CNTN6: variants seen among roughly 807,000 people sequenced by gnomAD.
The protein encoded by CNTN6 is contactin-6.
In CNTN6, 137 loss-of-function variants were observed where a neutral mutation model predicts 122.8. That is an observed-to-expected ratio of 1.12 (90% confidence interval 0.97 to 1.29). The LOEUF is 1.29. Among genes scored for constraint, CNTN6 ranks in the 50% most tolerant of loss-of-function variants. CNTN6 has a pLI of 0.00. For missense variants in CNTN6, 1,634 were observed against 1,223.4 expected (o/e 1.34, Z -5.01); for synonymous variants, 570 against 426.0 (o/e 1.34, Z -4.16).
At chr3:1,216,869 C>T (rs11918569) in intron 2 of CNTN6, among the ~76,000 whole-genome samples, 25,480 of 151,966 alleles carry the variant, frequency 0.17, 3,279 homozygotes, top group African/African-American at 0.36. Flanking sequence ...ATCAGGAAGC[C>T]AAAGTTTAAT....
Position 1,382,930 on chromosome 3 carries a change from A to C in CNTN6, c.2167-12A>C. The C allele has an allele frequency of 6.3e-7, 1 of 1,596,818 alleles. No individual in the cohort carries two copies. ...TTGCAAATACTCAGTGATTGATCAC[A>C]TTCTGCCCAAGTCAATTCCAGAAGA... On this transcript the variant is annotated splice_polypyrimidine_tract_variant and intron_variant, in intron 17 of 22. Transcript: ENST00000446702.
intron 12 of CNTN6, among the ~76,000 whole-genome samples, chr3:1,359,050 A>G (rs527686758): frequency 6.6e-6 from 1 of 152,180 alleles, no homozygotes; most frequent in East Asian, 1.9e-4. Context: ...ATACAGCAAG[A>G]TCCTGTCCCC....
At position 1,372,943 on chromosome 3, in the gene CNTN6, A is replaced by G; in HGVS notation, c.1774A>G (p.Ile592Val). 1 of 1,573,154 alleles carries G rather than the reference A, an allele frequency of 6.4e-7. No individual in the cohort carries two copies. Among genetic ancestry groups the G allele is most frequent in the Non-Finnish European group, 8.7e-7 (1 of 1,146,950 alleles). The change falls in exon 14 of 23, where the codon ATC becomes GTC. Residue 592 changes from isoleucine (I) to valine (V), a missense_variant. Physicochemically the swap from Ile to Val is conservative, Grantham distance 29 (BLOSUM62 3). Transcript: ENST00000446702. ...AGAAAGTTTATCTGCAGTAGCCGAT[A>G]TCATTGTTAGAGGTAAGCATAAATG... ...TLESLSAVAD[I>V]IVRGPPGPPE...
intron 2 of CNTN6, among the ~76,000 whole-genome samples, chr3:1,154,293 G>A (rs189680362): frequency 1.2e-4 from 18 of 152,198 alleles, no homozygotes; most frequent in African/African-American, 4.1e-4. Context: ...GAGTAATTGT[G>A]TTTTCACCAT....
chr3:1,232,087 G>A (rs145075876), intron 4 of CNTN6, among the ~76,000 whole-genome samples: 177 of 152,274 alleles, frequency 1.2e-3, no homozygotes, highest in Non-Finnish European at 2.3e-3. Context: ...TGAGATAGGT[G>A]TTTTGAAAGA....
At chr3:1,337,473 A>G (rs369573370) in intron 11 of CNTN6, among the ~76,000 whole-genome samples, 7 of 152,090 alleles carry the variant, frequency 4.6e-5, no homozygotes, top group African/African-American at 1.2e-4. Flanking sequence ...TTATATAGCA[A>G]CTGCAAAGCA....
chr3:1,269,875 T>C (rs1320698483), intron 4 of CNTN6, among the ~76,000 whole-genome samples: 1 of 152,168 alleles, frequency 6.6e-6, no homozygotes, highest in Non-Finnish European at 1.5e-5. Flanking sequence ...TCTACTTATA[T>C]ATAAATTTTT....
chr3:1,377,211 G>A (rs1470874575), intron 17 of CNTN6, 136 bp downstream of exon 17: 10 of 545,750 alleles, frequency 1.8e-5, no homozygotes, highest in Non-Finnish European at 2.8e-5. Flanking sequence ...TCATCCTGAT[G>A]ATGAATTATT....
At chr3:1,343,350 C>T (rs1218104414) in intron 11 of CNTN6, among the ~76,000 whole-genome samples, 1 of 152,114 alleles carries the variant, frequency 6.6e-6, no homozygotes, top group Non-Finnish European at 1.5e-5. Context: ...CAAAGGCCAA[C>T]TCCATTTCTT....
intron 1 of CNTN6, among the ~76,000 whole-genome samples, chr3:1,118,689 T>C (rs1304773977): frequency 6.6e-6 from 1 of 152,154 alleles, no homozygotes; most frequent in Non-Finnish European, 1.5e-5. Context: ...CAAGTACTGG[T>C]CACTTGGTCT....
chr3:1,317,168 C>T (rs965086717), intron 7 of CNTN6, among the ~76,000 whole-genome samples: 2 of 151,502 alleles, frequency 1.3e-5, no homozygotes, highest in East Asian at 1.9e-4. Flanking sequence ...AGACTATTGC[C>T]GCAAAATGCA....
chr3:1,378,515 C>G (rs1488350537), intron 17 of CNTN6, among the ~76,000 whole-genome samples: 1 of 152,084 alleles, frequency 6.6e-6, no homozygotes, highest in Non-Finnish European at 1.5e-5. Context: ...AGGCCTAGCA[C>G]AGTGCTTGGA....
intron 11 of CNTN6, among the ~76,000 whole-genome samples, chr3:1,348,313 G>A (rs17029057): frequency 0.016 from 2,497 of 151,990 alleles, 74 homozygotes; most frequent in African/African-American, 0.057. Context: ...GCACAGGATG[G>A]CACAAGAAAA....
At chr3:1,401,306 A>C in intron 20 of CNTN6, 127 bp from the exon 21 acceptor site, 1 of 709,494 alleles carries the variant, frequency 1.4e-6, no homozygotes, top group Non-Finnish European at 2.4e-6. Flanking sequence ...TTCAAATGAC[A>C]CTGAAGACAT....
chr3:1,390,181 G>A (rs1298138625), intron 20 of CNTN6, among the ~76,000 whole-genome samples: 2 of 151,762 alleles, frequency 1.3e-5, no homozygotes, highest in African/African-American at 2.4e-5. Flanking sequence ...CTCAGCAAAT[G>A]TAAAAGGACA....
intron 7 of CNTN6, among the ~76,000 whole-genome samples, chr3:1,305,232 T>C (rs982319554): frequency 6.6e-6 from 1 of 152,120 alleles, no homozygotes; most frequent in Non-Finnish European, 1.5e-5. Flanking sequence ...AAAAGTGAGG[T>C]CTAGAGAAGA....
intron 20 of CNTN6, among the ~76,000 whole-genome samples, chr3:1,398,188 T>A (rs1695222337): frequency 6.6e-6 from 1 of 152,178 alleles, no homozygotes; most frequent in African/African-American, 2.4e-5. Context: ...ATAGAAATTT[T>A]AATTTTATCA....
intron 1 of CNTN6, among the ~76,000 whole-genome samples, chr3:1,128,056 T>C (rs949028815): frequency 1.3e-5 from 2 of 151,956 alleles, no homozygotes; most frequent in East Asian, 1.9e-4. Context: ...AATTACACAA[T>C]TGGCTTCCGT....
At chr3:1,326,646 C>A (rs1371189407) in intron 9 of CNTN6, among the ~76,000 whole-genome samples, 1 of 151,834 alleles carries the variant, frequency 6.6e-6, no homozygotes, top group Non-Finnish European at 1.5e-5. Flanking sequence ...ATTAAATTAT[C>A]CAGATAATTG....
Sources: allele counts gnomAD v4.1 joint callset (sites outside exome capture counted in the v4.1 genomes callset), GRCh38; gene constraint gnomAD v4.1.1; transcripts MANE v1.5; gene names NCBI Gene and HGNC (gene_info 2026-07-23, HGNC 2026-07-21).